Variants in WDR72 observed in about 807,000 individuals in gnomAD.
WDR72 encodes WD repeat domain 72, also known as WD repeat-containing protein 72.
WDR72 carries 120 observed loss-of-function variants against 124.2 expected under a neutral mutation model. That is an observed-to-expected ratio of 0.97 (90% CI 0.83 to 1.12). The LOEUF (loss-of-function observed/expected upper bound fraction) is 1.12. Among genes scored for constraint, WDR72 ranks in the 50% most tolerant of loss-of-function variants. The pLI is 0.00. For missense variants in WDR72, 1,387 were observed against 1,278.8 expected (o/e 1.08, Z -1.29); for synonymous variants, 452 against 441.7 (o/e 1.02, Z -0.29).
intron 18 of WDR72, among the ~76,000 whole-genome samples, chr15:53,591,663 C>A (rs7183536): frequency 6.6e-6 from 1 of 150,968 alleles, no homozygotes; most frequent in East Asian, 2.0e-4. Flanking sequence ...CACACGCACA[C>A]ATATATACAT....
At chr15:53,598,756 C>T (rs1413091826) in intron 17 of WDR72, among the ~76,000 whole-genome samples, 1 of 152,152 alleles carries the variant, frequency 6.6e-6, no homozygotes, top group Non-Finnish European at 1.5e-5. Flanking sequence ...ACCATGCATA[C>T]TAACATGAGG....
At chr15:53,533,318 T>C (rs1442683173) in intron 18 of WDR72, among the ~76,000 whole-genome samples, 6 of 152,094 alleles carry the variant, frequency 3.9e-5, no homozygotes, top group African/African-American at 1.4e-4. Flanking sequence ...ATTTGTAAAA[T>C]TGCTAAAAAG....
chr15:53,565,537 C>T (rs536199633), intron 18 of WDR72, among the ~76,000 whole-genome samples: 1 of 152,028 alleles, frequency 6.6e-6, no homozygotes, highest in East Asian at 1.9e-4. Context: ...GTATACTATG[C>T]ACAGTTCAGC....
chr15:53,587,833 T>TA (rs1168354610), intron 18 of WDR72, among the ~76,000 whole-genome samples: 5 of 151,980 alleles, frequency 3.3e-5, no homozygotes, highest in African/African-American at 1.2e-4. Flanking sequence ...TGCACAAATA[T>TA]ACATAAAGGG....
At chr15:53,590,740 C>G (rs918557188) in intron 18 of WDR72, among the ~76,000 whole-genome samples, 50 of 152,164 alleles carry the variant, frequency 3.3e-4, no homozygotes, top group African/African-American at 1.2e-3. Flanking sequence ...TTCTCTGAAT[C>G]TGTTTTCTCA....
At chr15:53,570,265 T>G (rs1033723222) in intron 18 of WDR72, among the ~76,000 whole-genome samples, 2 of 138,316 alleles carry the variant, frequency 1.4e-5, no homozygotes, top group African/African-American at 6.5e-5. Context: ...ATATACCATT[T>G]TTTTTTTTTT....
intron 1 of WDR72, among the ~76,000 whole-genome samples, chr15:53,752,168 CAAAGT>C (rs1419359435): frequency 3.3e-5 from 5 of 152,040 alleles, no homozygotes; most frequent in Non-Finnish European, 1.5e-5. Context: ...ATCAAATTGG[CAAAGT>C]AAAGTAATTT....
chr15:53,686,241 C>T (rs1276273882), intron 13 of WDR72, among the ~76,000 whole-genome samples: 4 of 151,758 alleles, frequency 2.6e-5, no homozygotes, highest in African/African-American at 9.7e-5. Context: ...GGACTAAATG[C>T]TCCCATTAAA....
At chr15:53,580,295 T>C (rs973119672) in intron 18 of WDR72, among the ~76,000 whole-genome samples, 1 of 152,096 alleles carries the variant, frequency 6.6e-6, no homozygotes, top group Non-Finnish European at 1.5e-5. Flanking sequence ...AAAGCTTGTC[T>C]CCAAGAACAT....
chr15:53,679,079 C>T (rs1246516178), intron 13 of WDR72, among the ~76,000 whole-genome samples: 4 of 152,168 alleles, frequency 2.6e-5, no homozygotes, highest in Non-Finnish European at 5.9e-5. Flanking sequence ...CATGATTCCA[C>T]TTATATGATA....
At chr15:53,532,600 CTT>C (rs1892541226) in intron 18 of WDR72, among the ~76,000 whole-genome samples, 1 of 143,732 alleles carries the variant, frequency 7.0e-6, no homozygotes, top group Admixed American at 7.0e-5. Flanking sequence ...ATATTGAACT[CTT>C]AGAGATAGAG....
chr15:53,659,316 A>C (rs534757268), intron 14 of WDR72, among the ~76,000 whole-genome samples: 1 of 152,332 alleles, frequency 6.6e-6, no homozygotes, highest in Non-Finnish European at 1.5e-5. Flanking sequence ...CACACGAGTC[A>C]GAACAGAGTC....
At chr15:53,728,861 C>G (rs2018119364) in intron 2 of WDR72, among the ~76,000 whole-genome samples, 1 of 152,126 alleles carries the variant, frequency 6.6e-6, no homozygotes, top group East Asian at 1.9e-4. Context: ...CATGTATAAT[C>G]TAGGCATGCA....
chr15:53,662,527 C>T (rs1275418363), intron 14 of WDR72, among the ~76,000 whole-genome samples: 1 of 152,122 alleles, frequency 6.6e-6, no homozygotes, highest in Non-Finnish European at 1.5e-5. Context: ...TTACTAAAAT[C>T]CACACACAAA....
intron 13 of WDR72, among the ~76,000 whole-genome samples, chr15:53,669,679 G>T (rs1164750152): frequency 6.6e-6 from 1 of 151,964 alleles, no homozygotes; most frequent in African/African-American, 2.4e-5. Flanking sequence ...TAACTTCAGA[G>T]ATATATTTAA....
In WDR72 at chr15:53,710,953, A is replaced by G; in HGVS notation, c.858T>C (p.Ser286=). Residue 286 remains serine (S), a splice_region_variant and synonymous_variant, in exon 9 of 20, where the codon AGT becomes AGC. Coordinates refer to ENST00000360509, the MANE Select transcript of WDR72 (RefSeq NM_182758.4). ...GHSYIYQLLN[S]GLSKSIYPAD... ...CAGGGTATATGCTTTTTGAAAGCCC[A>G]CTGCGTGGCAAAAATAAAAAGCAAA... 6.2e-7 allele frequency: 1 copy of G among 1,612,676 alleles called. No homozygotes were observed. Among genetic ancestry groups the G allele is most frequent in the South Asian group, 1.1e-5 (1 of 91,068 alleles).
chr15:53,548,446 T>C (rs890007559), intron 18 of WDR72, among the ~76,000 whole-genome samples: 3 of 152,148 alleles, frequency 2.0e-5, no homozygotes, highest in Non-Finnish European at 2.9e-5. Context: ...ATGTACAGAA[T>C]TTCGGCTGAC....
At chr15:53,554,884 C>G (rs1469286146) in intron 18 of WDR72, among the ~76,000 whole-genome samples, 2 of 151,974 alleles carry the variant, frequency 1.3e-5, no homozygotes, top group African/African-American at 4.8e-5. Context: ...AAACAAAAAC[C>G]CCGATTTGTA....
intron 14 of WDR72, among the ~76,000 whole-genome samples, chr15:53,652,480 C>T (rs2015276494): frequency 6.6e-6 from 1 of 152,090 alleles, no homozygotes; most frequent in South Asian, 2.1e-4. Flanking sequence ...CAGAATTGTA[C>T]TAGTCTTTGC....
Sources: allele counts gnomAD v4.1 joint callset (sites outside exome capture counted in the v4.1 genomes callset), GRCh38; gene constraint gnomAD v4.1.1; transcripts MANE v1.5; gene names NCBI Gene and HGNC (gene_info 2026-07-23, HGNC 2026-07-21).